HS2ST1: variants seen among roughly 807,000 people sequenced by gnomAD.
HS2ST1 encodes the protein heparan sulfate 2-O-sulfotransferase 1.
In HS2ST1, 18 loss-of-function variants were observed where a neutral mutation model predicts 42.9. That is an observed-to-expected ratio of 0.42 (90% CI 0.29 to 0.62). HS2ST1 has a LOEUF of 0.62. Among genes scored for constraint, HS2ST1 ranks in the 20% least tolerant of loss-of-function variants. HS2ST1 has a pLI of 0.21. For synonymous variants in HS2ST1, 146 were observed against 152.9 expected (o/e 0.95, Z 0.33); for missense variants, 334 against 433.8 (o/e 0.77, Z 2.04).
chr1:86,924,959 T>G (rs1214673645), intron 1 of HS2ST1, among the ~76,000 whole-genome samples: 1 of 152,222 alleles, frequency 6.6e-6, no homozygotes, highest in Non-Finnish European at 1.5e-5. Flanking sequence ...GCATTGTCAG[T>G]CTTAAAATTT....
intron 1 of HS2ST1, among the ~76,000 whole-genome samples, chr1:86,984,064 G>A (rs1360774598): frequency 2.0e-5 from 3 of 151,602 alleles, no homozygotes; most frequent in African/African-American, 7.3e-5. Flanking sequence ...TTTCAACTTA[G>A]TAATAACCAT....
Position 86,914,953 on chromosome 1 carries a change from C to G in HS2ST1, c.-84C>G. The G allele has an allele frequency of 6.5e-7, 1 of 1,546,890 alleles. No individual in the cohort carries two copies. Among genetic ancestry groups the G allele is most frequent in the South Asian group, 1.1e-5 (1 of 88,316 alleles). The stretch of plus-strand genomic sequence containing the variant: ...TCTCTTTGCCTCGCTCCCGGCTCGG[C>G]GGGCTCCTCCCGGCGTCTCTCTCGC... On this transcript the variant is annotated 5_prime_UTR_variant, in exon 1 of 7. Coordinates refer to ENST00000370550, the MANE Select transcript of HS2ST1 (RefSeq NM_012262.4).
At chr1:87,030,013 A>G (rs1256597026) in intron 1 of HS2ST1, among the ~76,000 whole-genome samples, 2 of 152,188 alleles carry the variant, frequency 1.3e-5, no homozygotes, top group Non-Finnish European at 2.9e-5. Context: ...ATGCAGAAGA[A>G]GCAAAACACG....
intron 1 of HS2ST1, among the ~76,000 whole-genome samples, chr1:87,015,161 G>C (rs1049701510): frequency 6.6e-6 from 1 of 151,996 alleles, no homozygotes; most frequent in Admixed American, 6.5e-5. Flanking sequence ...TGATTCTCCT[G>C]CTTCAGCCTC....
chr1:86,956,699 T>C (rs1351436050), intron 1 of HS2ST1: 1 of 152,208 alleles, frequency 6.6e-6, no homozygotes, highest in Middle Eastern at 3.2e-3. Context: ...TAGGGGAGGA[T>C]TGACTTCTTT....
At chr1:86,979,509 A>G (rs192814700) in intron 1 of HS2ST1, among the ~76,000 whole-genome samples, 57 of 152,294 alleles carry the variant, frequency 3.7e-4, no homozygotes, top group Non-Finnish European at 7.2e-4. Context: ...AATGTCTTCA[A>G]TGTTTATTCA....
rs55739816 is a variant in HS2ST1 at position 86,990,836 on chromosome 1, AT to A, written c.124+75699del. ...TTTATATATATATATATATATATAT[AT>A]TTTTTTTTTTTTTTTTTTTTTTAGT... On this transcript the variant is annotated intron_variant, in intron 1 of 6. Coordinates refer to ENST00000370550, the MANE Select transcript of HS2ST1 (RefSeq NM_012262.4). Among the ~76,000 whole-genome samples the A allele has an allele frequency of 5.3e-3, 234 of 44,164 alleles. 4 individuals carry two copies. Among genetic ancestry groups the A allele is most frequent in the South Asian group, 0.023 (16 of 682 alleles). The allele number at this position is 44,164 out of a possible 152,430, so 29.0% of individuals were successfully genotyped here.
chr1:86,970,077 A>G (rs985784793), intron 1 of HS2ST1, among the ~76,000 whole-genome samples: 1 of 151,566 alleles, frequency 6.6e-6, no homozygotes, highest in Admixed American at 6.6e-5. Context: ...GTGAGTCAAG[A>G]TCGCGCCATT....
chr1:87,098,282 C>G (rs1198118224), intron 5 of HS2ST1: 1 of 1,001,152 alleles, frequency 1.0e-6, no homozygotes, highest in Non-Finnish European at 1.2e-6. Flanking sequence ...TTTAGCTATT[C>G]ATGTTAAATT....
chr1:86,980,317 T>C (rs931340002), intron 1 of HS2ST1, among the ~76,000 whole-genome samples: 1 of 152,216 alleles, frequency 6.6e-6, no homozygotes, highest in Non-Finnish European at 1.5e-5. Flanking sequence ...AAAGACAATG[T>C]ATACAATATT....
At chr1:86,934,457 T>G (rs1336556965) in intron 1 of HS2ST1, 1 of 152,270 alleles carries the variant, frequency 6.6e-6, no homozygotes, top group Admixed American at 6.6e-5. Context: ...CTAGTCCACG[T>G]TGAACCTCCA....
At chr1:87,048,430 T>G (rs1306160262) in intron 1 of HS2ST1, among the ~76,000 whole-genome samples, 1 of 152,200 alleles carries the variant, frequency 6.6e-6, no homozygotes, top group African/African-American at 2.4e-5. Flanking sequence ...GACAGTGTTG[T>G]GTAAAACTGA....
rs1177385587 is a variant in HS2ST1 at position 87,105,598 on chromosome 1, A to C, written c.*902A>C. ...CTTTTACCTGTAGACTATTTTTACT[A>C]AGGTGCTTTATAATGTGTTTTAAAG... On this transcript the variant is annotated 3_prime_UTR_variant, in exon 7 of 7. Coordinates refer to ENST00000370550, the MANE Select transcript of HS2ST1 (RefSeq NM_012262.4). 2 of 152,462 alleles carry C rather than the reference A, an allele frequency of 1.3e-5. No homozygotes were observed. The highest frequency in any genetic ancestry group is 2.9e-5 in the Non-Finnish European group (2 of 67,930). The allele number at this position is 152,462 out of a possible 1,614,324, so 9.4% of individuals were successfully genotyped here.
intron 4 of HS2ST1, among the ~76,000 whole-genome samples, chr1:87,094,865 A>G (rs1652026134): frequency 6.6e-6 from 1 of 151,946 alleles, no homozygotes; most frequent in South Asian, 2.1e-4. Flanking sequence ...GCTTATCTAG[A>G]TGTAGTGTTG....
intron 1 of HS2ST1, among the ~76,000 whole-genome samples, chr1:87,027,563 A>G (rs1650119525): frequency 6.6e-6 from 1 of 152,208 alleles, no homozygotes; most frequent in Non-Finnish European, 1.5e-5. Flanking sequence ...GAAAATAAAA[A>G]AGATGATGTT....
At chr1:86,924,714 T>G (rs926926561) in intron 1 of HS2ST1, among the ~76,000 whole-genome samples, 1 of 152,052 alleles carries the variant, frequency 6.6e-6, no homozygotes, top group Non-Finnish European at 1.5e-5. Context: ...GGACAAAGGG[T>G]GCCAAGTCCC....
At chr1:86,964,683 TAAAGC>T (rs756804104) in intron 1 of HS2ST1, among the ~76,000 whole-genome samples, 8 of 152,208 alleles carry the variant, frequency 5.3e-5, no homozygotes, top group Non-Finnish European at 8.8e-5. Flanking sequence ...TATTAAATCT[TAAAGC>T]TAAATATCTT....
intron 1 of HS2ST1, among the ~76,000 whole-genome samples, chr1:87,053,747 G>A (rs1570515447): frequency 6.6e-6 from 1 of 152,110 alleles, no homozygotes; most frequent in East Asian, 1.9e-4. Context: ...ATGGTCAAAA[G>A]CACTTAAAAT....
At chr1:86,996,409 T>C (rs966509690) in intron 1 of HS2ST1, among the ~76,000 whole-genome samples, 86 of 139,856 alleles carry the variant, frequency 6.1e-4, no homozygotes, top group Admixed American at 1.0e-3. Context: ...GCCATTGCAC[T>C]CCAGCCTGGG....
Sources: gnomAD v4.1 joint callset for allele counts (sites outside exome capture counted in the v4.1 genomes callset) on GRCh38, gnomAD v4.1.1 for gene constraint, MANE v1.5 for transcripts, NCBI Gene and HGNC (gene_info 2026-07-23, HGNC 2026-07-21) for gene names.